The following FMN2 variants were observed in gnomAD, a reference collection of about 807,000 sequenced individuals.
The protein encoded by FMN2 is formin 2.
In FMN2, 51 loss-of-function variants were observed where a neutral mutation model predicts 142.3. That is an observed-to-expected ratio of 0.36 (90% CI 0.29 to 0.45). FMN2 has a LOEUF of 0.45. Among genes scored for constraint, FMN2 ranks in the 20% least tolerant of loss-of-function variants. FMN2 has a pLI of 1.00. For missense variants in FMN2, 1,936 were observed against 2,122.8 expected (o/e 0.91, Z 1.73); for synonymous variants, 882 against 869.8 (o/e 1.01, Z -0.25).
intron 16 of FMN2, among the ~76,000 whole-genome samples, chr1:240,461,908 A>G (rs79862540): frequency 0.025 from 3,878 of 152,254 alleles, 161 homozygotes; most frequent in African/African-American, 0.088. Context: ...TTTTCTTCAA[A>G]TAAAAAATCA....
chr1:240,200,862 G>A (rs112508156), intron 4 of FMN2, among the ~76,000 whole-genome samples: 7 of 152,184 alleles, frequency 4.6e-5, no homozygotes, highest in African/African-American at 1.4e-4. Context: ...AAAAATTTTA[G>A]TCTTTCATCT....
intron 3 of FMN2, among the ~76,000 whole-genome samples, chr1:240,187,759 T>C (rs995164462): frequency 3.9e-5 from 6 of 152,184 alleles, no homozygotes; most frequent in Non-Finnish European, 8.8e-5. Context: ...TTGGTGACAG[T>C]GTTCGTTATC....
intron 13 of FMN2, among the ~76,000 whole-genome samples, chr1:240,352,740 C>A (rs1200546502): frequency 6.6e-6 from 1 of 152,170 alleles, no homozygotes; most frequent in Non-Finnish European, 1.5e-5. Context: ...AGTATCCTTA[C>A]ACAGTTTTAG....
At chr1:240,329,801 C>CTTT (rs3841827) in intron 10 of FMN2, among the ~76,000 whole-genome samples, 66 of 149,400 alleles carry the variant, frequency 4.4e-4, no homozygotes, top group African/African-American at 7.1e-4. Context: ...AATTTGAAGG[C>CTTT]TTTTTTTTTT....
At chr1:240,392,620 A>C in intron 15 of FMN2, 58 bp downstream of exon 15, 1 of 1,370,974 alleles carries the variant, frequency 7.3e-7, no homozygotes, top group Non-Finnish European at 9.9e-7. Flanking sequence ...AGTGTATTTC[A>C]TCTTAAGGAA....
chr1:240,362,037 C>T lies in FMN2; in HGVS notation c.4858+6129C>T, dbSNP rs1463540264. Among the ~76,000 whole-genome samples the T allele has an allele frequency of 3.9e-5, 6 of 152,282 alleles. No homozygotes were observed. In the South Asian group the frequency reaches 1.2e-3, roughly 32 times the overall value. ...TGGGTAAATGAGGACTGAACAACAG[C>T]TAGGCTTGTGGATATGAAGGTGGGG... On this transcript the variant is annotated intron_variant, in intron 14 of 17. Coordinates refer to ENST00000319653, the MANE Select transcript of FMN2 (RefSeq NM_020066.5).
At chr1:240,358,296 C>A (rs1296015949) in intron 14 of FMN2, among the ~76,000 whole-genome samples, 1 of 152,076 alleles carries the variant, frequency 6.6e-6, no homozygotes, top group East Asian at 1.9e-4. Flanking sequence ...ACAACATAAA[C>A]AACAGAAAAT....
At chr1:240,411,630 G>T (rs57563736) in intron 15 of FMN2, among the ~76,000 whole-genome samples, 7,027 of 140,804 alleles carry the variant, frequency 0.05, 554 homozygotes, top group African/African-American at 0.18. Context: ...TTGATCTGTT[G>T]TTTTTTTTTT....
At chr1:240,154,926 G>A (rs369941584) in intron 2 of FMN2, among the ~76,000 whole-genome samples, 10 of 135,756 alleles carry the variant, frequency 7.4e-5, no homozygotes, top group East Asian at 7.0e-4. Flanking sequence ...TTGTGCTGTC[G>A]TCCAGGCTGG....
intron 7 of FMN2, among the ~76,000 whole-genome samples, chr1:240,276,104 G>A (rs1669197861): frequency 6.6e-6 from 1 of 152,178 alleles, no homozygotes; most frequent in Non-Finnish European, 1.5e-5. Context: ...AGAAGTTTGA[G>A]ACTAGCCTGG....
chr1:240,120,192 A>T (rs1329576169), intron 1 of FMN2, among the ~76,000 whole-genome samples: 1 of 152,250 alleles, frequency 6.6e-6, no homozygotes, highest in Non-Finnish European at 1.5e-5. Context: ...AAGAGGCATA[A>T]CAACTGCATG....
chr1:240,092,263 G>T lies in FMN2; in HGVS notation c.154G>T (p.Gly52Ter). 6.6e-7 allele frequency: 1 copy of T among 1,504,088 alleles called. No homozygotes were observed. The highest frequency in any genetic ancestry group is 2.3e-5 in the East Asian group (1 of 42,706). The allele number at this position is 1,504,088 out of a possible 1,614,324, so 93.2% of individuals were successfully genotyped here. ...KKALGKHGKG[G>*]GGGGGGGESG... is the part of the protein sequence containing the mutation. ...GGCGCTAGGCAAGCACGGCAAGGGGGGAGGGGGCGGCGGCGGCGGCGGGGA... is the reference window on the plus strand; with the variant it reads ...GGCGCTAGGCAAGCACGGCAAGGGGTGAGGGGGCGGCGGCGGCGGCGGGGA... The change falls in exon 1 of 18, where the codon GGA becomes TGA. Residue 52 changes from glycine (G) to a stop codon, truncating the protein, a stop_gained. Coordinates refer to ENST00000319653, the MANE Select transcript of FMN2 (RefSeq NM_020066.5). LOFTEE classifies it high-confidence loss of function.
rs759257300 is a variant in FMN2 at position 240,208,483 on chromosome 1, C to T, written c.3671C>T (p.Pro1224Leu). 18 of 1,611,274 alleles carry T rather than the reference C, an allele frequency of 1.1e-5. No individual in the cohort carries two copies. The highest frequency in any genetic ancestry group is 4.0e-5 in the African/African-American group (3 of 74,304). ...GMGIPPAPAP[P>L]LPPPGTGIPP... ...GGGATTCCACCTGCTCCAGCTCCCC[C>T]ACTCCCTCCACCTGGGACAGGAATC... is the stretch of plus-strand genomic sequence containing the variant. Residue 1224 changes from proline (P) to leucine (L), a missense_variant, in exon 5 of 18, where the codon CCA becomes CTA. This residue lies in a region of FMN2 where 259 missense variants were observed against 230.9 expected (regional missense o/e 1.12). Transcript: ENST00000319653.
At chr1:240,405,871 A>G (rs1013617290) in intron 15 of FMN2, among the ~76,000 whole-genome samples, 4 of 152,210 alleles carry the variant, frequency 2.6e-5, no homozygotes, top group African/African-American at 9.6e-5. Context: ...TGTCATTAGA[A>G]GGGCTCATTT....
intron 8 of FMN2, among the ~76,000 whole-genome samples, chr1:240,320,756 G>A (rs1241493552): frequency 6.6e-6 from 1 of 152,166 alleles, no homozygotes; most frequent in African/African-American, 2.4e-5. Context: ...GGATGCCCAG[G>A]GATTCCTGCC....
chr1:240,400,475 G>A (rs575255835), intron 15 of FMN2, among the ~76,000 whole-genome samples: 185 of 152,294 alleles, frequency 1.2e-3, no homozygotes, highest in Admixed American at 3.9e-3. Context: ...AGCATCAGCC[G>A]AGTTAACTGC....
chr1:240,140,676 G>T, intron 2 of FMN2, among the ~76,000 whole-genome samples: 1 of 151,700 alleles, frequency 6.6e-6, no homozygotes, highest in African/African-American at 2.4e-5. Flanking sequence ...GGGGTGGGTG[G>T]GAAGTCTCTT....
intron 7 of FMN2, among the ~76,000 whole-genome samples, chr1:240,287,445 C>T (rs1000785386): frequency 6.6e-5 from 10 of 152,276 alleles, no homozygotes; most frequent in East Asian, 3.9e-4. Context: ...GGGCATGAAC[C>T]GTAAATATGG....
At chr1:240,152,604 A>C (rs1262933548) in intron 2 of FMN2, among the ~76,000 whole-genome samples, 1 of 152,230 alleles carries the variant, frequency 6.6e-6, no homozygotes, top group Non-Finnish European at 1.5e-5. Context: ...GAACCTCAGC[A>C]CAGTGGCCCT....
Sources: gnomAD v4.1 joint callset for allele counts (sites outside exome capture counted in the v4.1 genomes callset) on GRCh38, gnomAD v4.1.1 for gene constraint, gnomAD v4.1.1 regional missense constraint, MANE v1.5 for transcripts, NCBI Gene and HGNC (gene_info 2026-07-23, HGNC 2026-07-21) for gene names.